The following CDH4 variants were observed in gnomAD, a reference collection of about 807,000 sequenced individuals.
CDH4 encodes the protein cadherin 4.
A neutral mutation model predicts 86.0 loss-of-function variants in CDH4; 33 were observed. The observed-to-expected ratio is 0.38, with a 90% CI of 0.29 to 0.51. The LOEUF (loss-of-function observed/expected upper bound fraction) is 0.51, where lower values mean the gene tolerates loss of function less well. CDH4 is among the 20% of genes least tolerant of loss of function. CDH4 has a pLI of 0.86. For missense variants in CDH4, 1,114 were observed against 1,307.4 expected, an observed-to-expected ratio of 0.85 and a Z score of 2.28; for synonymous variants, 555 against 549.4, an observed-to-expected ratio of 1.01 and a Z score of -0.14.
intron 2 of CDH4, among the ~76,000 whole-genome samples, chr20:61,438,338 C>T (rs1455406933): frequency 3.3e-5 from 5 of 152,182 alleles, no homozygotes; most frequent in Admixed American, 6.5e-5. Flanking sequence ...AAAATCTATA[C>T]CCCGTGCAAT....
chr20:61,651,223 G>A (rs183667113), intron 2 of CDH4, among the ~76,000 whole-genome samples: 1 of 152,370 alleles, frequency 6.6e-6, no homozygotes, highest in East Asian at 1.9e-4. Context: ...GTGCACTGGT[G>A]TGCTTGTGTG....
At chr20:61,867,278 G>A (rs1175422438) in intron 6 of CDH4, among the ~76,000 whole-genome samples, 2 of 152,194 alleles carry the variant, frequency 1.3e-5, no homozygotes, top group African/African-American at 4.8e-5. Flanking sequence ...GGCCAGGCAC[G>A]GTAGCTCACA....
At chr20:61,402,011 A>T (rs1600943808) in intron 2 of CDH4, among the ~76,000 whole-genome samples, 1 of 152,224 alleles carries the variant, frequency 6.6e-6, no homozygotes, top group East Asian at 1.9e-4. Context: ...GGTTGCTCAG[A>T]TGTTGTTTGT....
chr20:61,444,196 G>T (rs1446802033), intron 2 of CDH4, among the ~76,000 whole-genome samples: 1 of 64,730 alleles, frequency 1.5e-5, no homozygotes, highest in African/African-American at 5.7e-5. Context: ...CTCTATGTGG[G>T]TGTCTGTGTA....
chr20:61,478,619 C>G (rs1426483085), intron 2 of CDH4, among the ~76,000 whole-genome samples: 2 of 152,220 alleles, frequency 1.3e-5, no homozygotes, highest in African/African-American at 4.8e-5. Flanking sequence ...GGCATCATGT[C>G]TTGATCTGGG....
intron 2 of CDH4, among the ~76,000 whole-genome samples, chr20:61,359,225 C>T (rs964507543): frequency 1.1e-4 from 17 of 152,080 alleles, no homozygotes; most frequent in African/African-American, 3.6e-4. Context: ...TTAAACCTGG[C>T]GAGGTATTTA....
intron 2 of CDH4, among the ~76,000 whole-genome samples, chr20:61,721,437 A>G (rs920894275): frequency 6.6e-6 from 1 of 152,214 alleles, no homozygotes; most frequent in African/African-American, 2.4e-5. Flanking sequence ...CCTGCTTCTC[A>G]GTGTCTAAAT....
chr20:61,861,086 C>T (rs897510486), intron 6 of CDH4, among the ~76,000 whole-genome samples: 3 of 152,214 alleles, frequency 2.0e-5, no homozygotes, highest in African/African-American at 7.2e-5. Flanking sequence ...CTCACGCACC[C>T]GCACCTGCCT....
chr20:61,916,472 C>G (rs773825641), intron 9 of CDH4, among the ~76,000 whole-genome samples: 9 of 152,240 alleles, frequency 5.9e-5, no homozygotes, highest in Non-Finnish European at 1.3e-4. Context: ...GTGCCCGGCA[C>G]AAGGTAAGGA....
chr20:61,849,078 C>G (rs1258058906), intron 5 of CDH4, among the ~76,000 whole-genome samples: 1 of 152,200 alleles, frequency 6.6e-6, no homozygotes, highest in Admixed American at 6.5e-5. Flanking sequence ...GCAGAGTCAG[C>G]AGGAGATGCA....
At chr20:61,439,284 C>T (rs1167139992) in intron 2 of CDH4, among the ~76,000 whole-genome samples, 3 of 152,118 alleles carry the variant, frequency 2.0e-5, no homozygotes, top group African/African-American at 4.8e-5. Context: ...GTGTGCATTT[C>T]GGTTGTACAG....
intron 2 of CDH4, among the ~76,000 whole-genome samples, chr20:61,553,067 C>T (rs1373049420): frequency 2.6e-5 from 4 of 152,134 alleles, no homozygotes; most frequent in Admixed American, 2.6e-4. Flanking sequence ...AAGTAGATAA[C>T]CAAAGGTGGC....
chr20:61,886,110 G>A (rs1207906453), intron 7 of CDH4, among the ~76,000 whole-genome samples: 1 of 152,324 alleles, frequency 6.6e-6, no homozygotes, highest in African/African-American at 2.4e-5. Flanking sequence ...GGTGCAGAGA[G>A]CCCAGAGCAG....
At chr20:61,395,423 C>G (rs113255822) in intron 2 of CDH4, among the ~76,000 whole-genome samples, 2 of 152,060 alleles carry the variant, frequency 1.3e-5, no homozygotes, top group African/African-American at 2.4e-5. Context: ...GGCATTAATA[C>G]GTACATGGCA....
At chr20:61,800,208 C>G (rs1979755159) in intron 4 of CDH4, among the ~76,000 whole-genome samples, 1 of 152,216 alleles carries the variant, frequency 6.6e-6, no homozygotes, top group Non-Finnish European at 1.5e-5. Context: ...GTGAGTGCTG[C>G]AAAGCCCCGA....
chr20:61,705,427 G>T (rs964468330), intron 2 of CDH4, among the ~76,000 whole-genome samples: 4 of 152,236 alleles, frequency 2.6e-5, no homozygotes, highest in Non-Finnish European at 5.9e-5. Flanking sequence ...TTTGGTTTAT[G>T]TGCTCAAATA....
At chr20:61,649,247 G>C (rs145074068) in intron 2 of CDH4, among the ~76,000 whole-genome samples, 1 of 152,130 alleles carries the variant, frequency 6.6e-6, no homozygotes, top group Admixed American at 6.5e-5. Context: ...GAGCACGCAC[G>C]CTCACCTTTT....
chr20:61,914,470 C>G (rs1458017441), intron 9 of CDH4, among the ~76,000 whole-genome samples: 1 of 152,230 alleles, frequency 6.6e-6, no homozygotes, highest in East Asian at 1.9e-4. Flanking sequence ...CCCACTGGGA[C>G]TTGTGCTTCT....
At chr20:61,798,165 C>T (rs1009485147) in intron 4 of CDH4, among the ~76,000 whole-genome samples, 2 of 149,526 alleles carry the variant, frequency 1.3e-5, no homozygotes, top group African/African-American at 5.0e-5. Context: ...CCTGAGCCAG[C>T]AGCCATAACC....
Sources: allele counts gnomAD v4.1 joint callset (sites outside exome capture counted in the v4.1 genomes callset), GRCh38; gene constraint gnomAD v4.1.1; transcripts MANE v1.5; gene names NCBI Gene and HGNC (gene_info 2026-07-23, HGNC 2026-07-21).